The following FLNA variants were observed in gnomAD, a reference collection of about 807,000 sequenced individuals.
The protein encoded by FLNA is filamin-A.
FLNA carries 7 observed loss-of-function variants against 157.6 expected under a neutral mutation model. That is an observed-to-expected ratio of 0.04 (90% CI 0.03 to 0.08). The LOEUF is 0.08. Among genes scored for constraint, FLNA ranks in the 10% least tolerant of loss-of-function variants. The pLI is 1.00. For missense variants in FLNA, 1,750 were observed against 2,398.4 expected (o/e 0.73, Z 5.65); for synonymous variants, 1,103 against 1,060.8 (o/e 1.04, Z -0.77).
chrX:154,365,505 G>C lies in FLNA; in HGVS notation c.1430-19C>G. The C allele has an allele frequency of 8.3e-7, 1 of 1,208,513 alleles. No homozygotes were observed. Among genetic ancestry groups the C allele is most frequent in the Middle Eastern group, 2.4e-4 (1 of 4,189 alleles). Reference sequence around the variant, plus strand: ...TTACAGGCTGCAGGCAGAGGGGCCAGCTGAGCACCAGCAGCTCGGCTGGGC... The same window carrying C: ...TTACAGGCTGCAGGCAGAGGGGCCACCTGAGCACCAGCAGCTCGGCTGGGC... On this transcript the variant is annotated intron_variant, in intron 9 of 47. Coordinates refer to ENST00000369850, the MANE Select transcript of FLNA (RefSeq NM_001110556.2).
Position 154,348,545 on chromosome X carries a change from CTT to C in FLNA, c.*302_*303del, listed in dbSNP as rs1557174976. ...CACGCAAAGGAGAATGGAAGCAAAA[CTT>C]TATTCCTCTTGGCTGGAGAAGAGAA... On this transcript the variant is annotated 3_prime_UTR_variant, in exon 48 of 48. Transcript: ENST00000369850. The C allele has an allele frequency of 3.2e-6, 1 of 308,891 alleles. No homozygotes were observed. The highest frequency in any genetic ancestry group is 5.6e-6 in the Non-Finnish European group (1 of 177,054). The allele number at this position is 308,891 out of a possible 1,213,427, so 25.5% of individuals were successfully genotyped here. A position where few individuals can be genotyped will look rare whatever the true frequency, so the allele number is the denominator to read the frequency against.
Position 154,355,194 on chromosome X carries a change from C to G in FLNA, c.4970-122G>C, listed in dbSNP as rs1420573281. 3.9e-6 allele frequency: 3 copies of G among 759,902 alleles called. No homozygotes were observed. In the African/African-American group the frequency reaches 6.3e-5, roughly 16 times the overall value. 62.6% of individuals were successfully genotyped at this position (759,902 alleles called of 1,213,427 possible). On this transcript the variant is annotated intron_variant, in intron 30 of 47. Transcript: ENST00000369850. Reference sequence around the variant, plus strand: ...CCACCACCAAGCACAGCCAGGCCGCCAGGCCTCCTGCCCCGCCCTGCCCCT... The same window carrying G: ...CCACCACCAAGCACAGCCAGGCCGCGAGGCCTCCTGCCCCGCCCTGCCCCT...
rs781887001 is a variant in FLNA, at chrX:154,367,632, C to A, written c.720+9G>T. ...CCCCTACAGCTGTAGCCAGGCCGGG[C>A]GGGTGTACCTGGGGGATGCCCAGCC... On this transcript the variant is annotated intron_variant, in intron 4 of 47. Transcript: ENST00000369850. 3 of 1,210,871 alleles carry A rather than the reference C, an allele frequency of 2.5e-6. No individual in the cohort carries two copies. Among genetic ancestry groups the A allele is most frequent in the Non-Finnish European group, 2.2e-6 (2 of 894,931 alleles).
chrX:154,367,240 C>T (rs782321817), intron 5 of FLNA, among the ~76,000 whole-genome samples, 157 bp downstream of exon 5: 1 of 112,555 alleles, frequency 8.9e-6, no homozygotes, highest in South Asian at 3.6e-4. Context: ...GTCGTTTTCA[C>T]TAGTCCCAAA....
At position 154,352,070 on chromosome X, in the gene FLNA, G is replaced by T. The variant is rs782615517; in HGVS notation, c.6770-49C>A. ...ACTGAAGGCTGCTTCACCAGCCTCG[G>T]CCCCCTCCAGGCATAGCCAAGGTAG... is the stretch of plus-strand genomic sequence containing the variant. On this transcript the variant is annotated intron_variant, in intron 41 of 47. Transcript: ENST00000369850. 35 of 1,207,892 alleles carry T rather than the reference G, an allele frequency of 2.9e-5. No homozygotes were observed. In the East Asian group the frequency reaches 6.8e-4, roughly 23 times the overall value.
At chrX:154,367,581 G>A (rs782565914) in intron 4 of FLNA, 37 bp from the exon 5 acceptor site, 35 of 1,209,659 alleles carry the variant, frequency 2.9e-5, no homozygotes, top group Non-Finnish European at 3.4e-5. Context: ...TCGGGCCTCC[G>A]AGTCTCTCCC....
chrX:154,355,568 CG>C lies in FLNA; in HGVS notation c.4970-497del, dbSNP rs782224732. On this transcript the variant is annotated intron_variant, in intron 30 of 47. Transcript: ENST00000369850. ...CACCCCCCAGGCCTGATGGTGAAAC[CG>C]GAGTTTCCTGACAACTGAGAAGGCT... is the stretch of plus-strand genomic sequence containing the variant. Among the ~76,000 whole-genome samples the C allele has an allele frequency of 5.0e-4, 57 of 113,474 alleles. 1 individual carries two copies. In the East Asian group the frequency reaches 5.3e-3, roughly 10 times the overall value.
At position 154,371,355 on chromosome X, in the gene FLNA, G is replaced by T; in HGVS notation, c.-110C>A. On this transcript the variant is annotated 5_prime_UTR_variant, in exon 2 of 48. Coordinates refer to ENST00000369850, the MANE Select transcript of FLNA (RefSeq NM_001110556.2). ...CGCGGGAGGCGAGGCAGGGAGCAGA[G>T]GTTGCGCTGCGGAGAGAGCGAGCCC... is the stretch of plus-strand genomic sequence containing the variant. 1.0e-6 allele frequency: 1 copy of T among 1,003,000 alleles called. No individual in the cohort carries two copies. The highest frequency in any genetic ancestry group is 1.3e-6 in the Non-Finnish European group (1 of 741,613). 82.7% of individuals were successfully genotyped at this position (1,003,000 alleles called of 1,213,427 possible).
chrX:154,369,054 A>G (rs782035439), intron 2 of FLNA, among the ~76,000 whole-genome samples: 2 of 112,597 alleles, frequency 1.8e-5, no homozygotes, highest in South Asian at 7.2e-4. Flanking sequence ...AAGCCCTGTC[A>G]GCCTCCCCCA....
Position 154,359,306 on chromosome X carries a change from T to G in FLNA, c.4243A>C (p.Ile1415Leu), listed in dbSNP as rs2067686132. ...NKDGSCSVEY[I>L]PYEAGTYSLN... Reference sequence around the variant, plus strand: ...CTGTAGGTGCCAGCCTCATAAGGGATGTACTCGACCGAGCAGCTGCCGTCC... The same window carrying G: ...CTGTAGGTGCCAGCCTCATAAGGGAGGTACTCGACCGAGCAGCTGCCGTCC... Residue 1415 changes from isoleucine to leucine, a missense_variant, in exon 25 of 48, where the codon ATC becomes CTC. Ile to Leu is a conservative substitution (Grantham distance 5, BLOSUM62 2). Transcript: ENST00000369850. 3 of 1,209,948 alleles carry G rather than the reference T, an allele frequency of 2.5e-6. No homozygotes were observed. Among genetic ancestry groups the G allele is most frequent in the African/African-American group, 1.7e-5 (1 of 57,431 alleles).
chrX:154,361,452 C>T lies in FLNA; in HGVS notation c.3063G>A (p.Glu1021=). 8.3e-7 allele frequency: 1 copy of T among 1,211,519 alleles called. No homozygotes were observed. The highest frequency in any genetic ancestry group is 1.1e-6 in the Non-Finnish European group (1 of 895,510). The part of the protein sequence containing the change: ...PSGAAVPCKV[E]PGLGADNSVV... ...CACTGTTGTCAGCCCCCAGGCCTGGCTCCACCTTGCAGGGCACCGCTGCAC... is the reference window on the plus strand; with the variant it reads ...CACTGTTGTCAGCCCCCAGGCCTGGTTCCACCTTGCAGGGCACCGCTGCAC... Residue 1021 remains glutamate, a synonymous_variant, in exon 21 of 48, where the codon GAG becomes GAA. Transcript: ENST00000369850.
chrX:154,348,868 T>C lies in FLNA; in HGVS notation c.7925A>G (p.Tyr2642Cys). The C allele has an allele frequency of 8.3e-7, 1 of 1,208,829 alleles. No individual in the cohort carries two copies. The highest frequency in any genetic ancestry group is 1.1e-6 in the Non-Finnish European group (1 of 893,794). Residue 2642 changes from tyrosine (Y) to cysteine (C), a missense_variant, in exon 48 of 48, where the codon TAC becomes TGC. By Grantham distance (194) the Tyr-to-Cys change is radical (BLOSUM62 -2). Around this residue, in one of 5 missense-constraint regions of FLNA, gnomAD observed 970 missense variants for 1,302.6 expected, o/e 0.74. Coordinates refer to ENST00000369850, the MANE Select transcript of FLNA (RefSeq NM_001110556.2). ...CCAGACTCAGGGCACCACAACGCGGTAGGGGCTGCCTGGGATGTGCTCGTC... is the reference window on the plus strand; with the variant it reads ...CCAGACTCAGGGCACCACAACGCGGCAGGGGCTGCCTGGGATGTGCTCGTC... ...WGDEHIPGSP[Y>C]RVVVP
rs782684339 is a variant in FLNA at position 154,365,246 on chromosome X, G to A, written c.1581C>T (p.Arg527=). The change falls in exon 11 of 48, where the codon CGC becomes CGT. Residue 527 remains arginine, a synonymous_variant. Coordinates refer to ENST00000369850, the MANE Select transcript of FLNA (RefSeq NM_001110556.2). ...CATCCCCCAGGTCCTTCTGCTTCAC[G>A]CGCTCCTCTCCCTCTGCCAAGACAA... ...VTVKGPKGEE[R]VKQKDLGDGV... 6.4e-5 allele frequency: 78 copies of A among 1,210,395 alleles called. No homozygotes were observed. Among genetic ancestry groups the A allele is most frequent in the African/African-American group, 8.7e-5 (5 of 57,487 alleles).
rs398123614 is a variant in FLNA at position 154,362,044 on chromosome X, G to A, written c.2761C>T (p.Arg921Ter). The change falls in exon 19 of 48, where the codon CGA (arginine) becomes TGA (stop). Residue 921 changes from arginine to a stop codon, truncating the protein, a stop_gained. Transcript: ENST00000369850. LOFTEE classifies it high-confidence loss of function. ...FSGLTKGDAV[R>*]DVDIIDHHDN... The stretch of plus-strand genomic sequence containing the variant: ...TGGTGGTCGATGATGTCCACATCTC[G>A]CACTGCATCCCCCTTGGTGAGTCCT... The A allele has an allele frequency of 8.3e-7, 1 of 1,208,123 alleles. No individual in the cohort carries two copies. The highest frequency in any genetic ancestry group is 3.0e-5 in the East Asian group (1 of 33,721).
chrX:154,370,669 G>A (rs782151518), intron 2 of FLNA, among the ~76,000 whole-genome samples: 1 of 113,021 alleles, frequency 8.8e-6, no homozygotes, highest in African/African-American at 3.2e-5. Context: ...GGGCGGGGGC[G>A]CGTAGCGGTT....
chrX:154,351,874 T>C lies in FLNA; in HGVS notation c.6907+10A>G. ...CCCACCTCCTCCAACCCCAGCCGGG[T>C]TCCCAGTACCTGGCTCCTGGACCAC... On this transcript the variant is annotated intron_variant, in intron 42 of 47. Transcript: ENST00000369850. The C allele has an allele frequency of 8.3e-7, 1 of 1,210,704 alleles. No homozygotes were observed. Among genetic ancestry groups the C allele is most frequent in the Non-Finnish European group, 1.1e-6 (1 of 895,048 alleles).
At position 154,358,571 on chromosome X, in the gene FLNA, G is replaced by GGCCCCA. The variant is rs2067680523; in HGVS notation, c.4475-9_4475-4dup. On this transcript the variant is annotated splice_region_variant and splice_polypyrimidine_tract_variant and intron_variant, in intron 26 of 47. Coordinates refer to ENST00000369850, the MANE Select transcript of FLNA (RefSeq NM_001110556.2). ...CACGTCCACTGGCTCCACCAGGCCT[G>GGCCCCA]GCCCCAGCCCCAGGGACAGAGCATC... The GGCCCCA allele has an allele frequency of 2.5e-6, 3 of 1,209,227 alleles. No individual in the cohort carries two copies. The highest frequency in any genetic ancestry group is 3.4e-6 in the Non-Finnish European group (3 of 894,826).
At position 154,366,420 on chromosome X, in the gene FLNA, C is replaced by T. The variant is rs1177006512; in HGVS notation, c.1116G>A (p.Val372=). The T allele has an allele frequency of 1.7e-6, 2 of 1,210,555 alleles. No individual in the cohort carries two copies. Among genetic ancestry groups the T allele is most frequent in the Admixed American group, 2.2e-5 (1 of 45,967 alleles). Residue 372 remains valine (V), a synonymous_variant, in exon 8 of 48, where the codon GTG becomes GTA. Transcript: ENST00000369850. ...CGTCACCCTGTGACTTATCCACGTA[C>T]ACCTCGAAGGGGCTCTTGGCGATGT... The part of the protein sequence containing the change: ...GQHIAKSPFE[V]YVDKSQGDAS...
rs782592060 is a variant in FLNA at position 154,357,316 on chromosome X, G to A, written c.4946-42C>T. ...GAGAGCAAGGAGAAAGGTCAGGTGA[G>A]TCACTCAAGGGGGCGGCCCCCACTC... On this transcript the variant is annotated intron_variant, in intron 29 of 47. Coordinates refer to ENST00000369850, the MANE Select transcript of FLNA (RefSeq NM_001110556.2). 1.5e-5 allele frequency: 18 copies of A among 1,200,904 alleles called. No homozygotes were observed. The Admixed American group carries it at 3.0e-4, about 20-fold the overall frequency.
Sources: gnomAD v4.1 joint callset for allele counts (sites outside exome capture counted in the v4.1 genomes callset) on GRCh38, gnomAD v4.1.1 for gene constraint, gnomAD v4.1.1 regional missense constraint, MANE v1.5 for transcripts, NCBI Gene and HGNC (gene_info 2026-07-23, HGNC 2026-07-21) for gene names.